Variants in TMEM132D observed in about 807,000 individuals in gnomAD.
TMEM132D encodes transmembrane protein 132D.
TMEM132D carries 21 observed loss-of-function variants against 62.3 expected under a neutral mutation model. The observed-to-expected ratio is 0.34, with a 90% CI of 0.24 to 0.49. The LOEUF (loss-of-function observed/expected upper bound fraction) is 0.49, where lower values mean the gene tolerates loss of function less well. Among genes scored for constraint, TMEM132D ranks in the 20% least tolerant of loss-of-function variants. The pLI is 0.99. For missense variants in TMEM132D, 1,346 were observed against 1,402.8 expected (o/e 0.96, Z 0.65); for synonymous variants, 621 against 575.6 (o/e 1.08, Z -1.13).
chr12:129,389,680 T>C (rs1871242988), intron 3 of TMEM132D, among the ~76,000 whole-genome samples: 1 of 152,236 alleles, frequency 6.6e-6, no homozygotes, highest in Admixed American at 6.5e-5. Flanking sequence ...CTAACAGTCA[T>C]GCCATGTTAT....
intron 4 of TMEM132D, among the ~76,000 whole-genome samples, chr12:129,286,471 G>C (rs74508046): frequency 0.015 from 2,217 of 152,238 alleles, 13 homozygotes; most frequent in Non-Finnish European, 0.024. Flanking sequence ...GAAAAATTAA[G>C]AGCACAGTAT....
At chr12:129,413,361 CT>C (rs1872025185) in intron 3 of TMEM132D, among the ~76,000 whole-genome samples, 1 of 152,168 alleles carries the variant, frequency 6.6e-6, no homozygotes, top group Non-Finnish European at 1.5e-5. Context: ...TAAGACATGC[CT>C]TTTGCCTTCT....
At chr12:129,473,428 C>G (rs1294229690) in intron 3 of TMEM132D, among the ~76,000 whole-genome samples, 1 of 135,098 alleles carries the variant, frequency 7.4e-6, no homozygotes, top group Non-Finnish European at 1.5e-5. Flanking sequence ...CTCCCAGGTT[C>G]AAGTGATCCT....
intron 2 of TMEM132D, among the ~76,000 whole-genome samples, chr12:129,550,065 G>A (rs1325669920): frequency 6.6e-6 from 1 of 152,084 alleles, no homozygotes; most frequent in Non-Finnish European, 1.5e-5. Context: ...AAGAATATGT[G>A]GATGTTTACC....
chr12:129,868,085 T>C (rs1371007164), intron 1 of TMEM132D, among the ~76,000 whole-genome samples: 1 of 152,076 alleles, frequency 6.6e-6, no homozygotes, highest in Non-Finnish European at 1.5e-5. Context: ...TGAGGCAGCA[T>C]TTCTATGGTA....
intron 5 of TMEM132D, among the ~76,000 whole-genome samples, chr12:129,184,680 C>T (rs911638090): frequency 2.6e-5 from 4 of 152,216 alleles, no homozygotes; most frequent in East Asian, 1.9e-4. Flanking sequence ...CTGGCGCCTG[C>T]GGCTGTTTTC....
intron 1 of TMEM132D, among the ~76,000 whole-genome samples, chr12:129,736,114 C>T (rs1473807114): frequency 1.1e-5 from 1 of 89,416 alleles, no homozygotes; most frequent in Non-Finnish European, 2.2e-5. Flanking sequence ...ATGGTGTTTT[C>T]CTTTCATTTC....
chr12:129,460,829 T>TA (rs1873641289), intron 3 of TMEM132D, among the ~76,000 whole-genome samples: 1 of 152,164 alleles, frequency 6.6e-6, no homozygotes, highest in Non-Finnish European at 1.5e-5. Context: ...AAGAACTTTT[T>TA]TTTTCCCACT....
At chr12:129,243,812 T>G (rs1196851118) in intron 4 of TMEM132D, among the ~76,000 whole-genome samples, 2 of 152,246 alleles carry the variant, frequency 1.3e-5, no homozygotes, top group Admixed American at 1.3e-4. Context: ...CTTGATTAAC[T>G]TTTTATTGGT....
chr12:129,105,030 A>G (rs1385236681), intron 5 of TMEM132D, among the ~76,000 whole-genome samples: 1 of 142,588 alleles, frequency 7.0e-6, no homozygotes, highest in Middle Eastern at 3.2e-3. Context: ...TGACCCAGCC[A>G]TCCCATTACT....
intron 3 of TMEM132D, among the ~76,000 whole-genome samples, chr12:129,514,029 C>T (rs1293309921): frequency 1.5e-4 from 22 of 150,190 alleles, no homozygotes; most frequent in Admixed American, 4.0e-4. Context: ...TCAGTGGAGA[C>T]GGGGTTTCAC....
In TMEM132D at chr12:129,751,221, G is replaced by A. The variant is rs114679310; in HGVS notation, c.80-50523C>T. 3.8e-3 allele frequency among the ~76,000 whole-genome samples: 574 copies of A among 152,308 alleles called. 6 individuals carry two copies. The highest frequency in any genetic ancestry group is 0.013 in the African/African-American group (537 of 41,558). On this transcript the variant is annotated intron_variant, in intron 1 of 8. Coordinates refer to ENST00000422113, the MANE Select transcript of TMEM132D (RefSeq NM_133448.3). ...CTCTACAGGAATCATGACTGGGGGA[G>A]CCTCAGGAAACTTACAATCATGGTG...
intron 2 of TMEM132D, among the ~76,000 whole-genome samples, chr12:129,619,926 T>C (rs559393263): frequency 6.6e-6 from 1 of 152,316 alleles, no homozygotes; most frequent in African/African-American, 2.4e-5. Context: ...AGCTTGTCTC[T>C]AGAAAGTCAT....
chr12:129,420,665 C>A lies in TMEM132D; in HGVS notation c.1116-82848G>T, dbSNP rs148580316. Among the ~76,000 whole-genome samples, 10 of 152,252 alleles carry A rather than the reference C, an allele frequency of 6.6e-5. No homozygotes were observed. In the East Asian group the frequency reaches 1.9e-3, roughly 29 times the overall value. On this transcript the variant is annotated intron_variant, in intron 3 of 8. Transcript: ENST00000422113. ...CTGCCAAGGATGTGTGGAGCCCAAC[C>A]AACGCTCAGCAAGCTGGCAAGCGAT...
chr12:129,507,901 C>A (rs1204784721), intron 3 of TMEM132D, among the ~76,000 whole-genome samples: 1 of 152,160 alleles, frequency 6.6e-6, no homozygotes, highest in African/African-American at 2.4e-5. Context: ...ATTTTCATGT[C>A]TAACACTGTA....
At chr12:129,267,175 T>C (rs146444830) in intron 4 of TMEM132D, among the ~76,000 whole-genome samples, 21 of 152,280 alleles carry the variant, frequency 1.4e-4, no homozygotes, top group African/African-American at 3.1e-4. Flanking sequence ...GAGGGTTTTT[T>C]TTCTTTTTCT....
chr12:129,690,134 T>A (rs1242999294), intron 2 of TMEM132D, among the ~76,000 whole-genome samples: 3 of 152,156 alleles, frequency 2.0e-5, no homozygotes, highest in Non-Finnish European at 2.9e-5. Flanking sequence ...TGGGAAGTAT[T>A]ACAGTGCTAC....
chr12:129,383,717 G>C (rs530670708), intron 3 of TMEM132D, among the ~76,000 whole-genome samples: 12 of 152,338 alleles, frequency 7.9e-5, no homozygotes, highest in African/African-American at 2.9e-4. Flanking sequence ...GGGATTATAG[G>C]TGTGAGCCAC....
chr12:129,544,924 C>T (rs527467216), intron 2 of TMEM132D, among the ~76,000 whole-genome samples: 22 of 152,280 alleles, frequency 1.4e-4, no homozygotes, highest in African/African-American at 3.9e-4. Context: ...GTCACAACAC[C>T]GCACCAGCGA....
Sources: gnomAD v4.1 joint callset for allele counts (sites outside exome capture counted in the v4.1 genomes callset) on GRCh38, gnomAD v4.1.1 for gene constraint, MANE v1.5 for transcripts, NCBI Gene and HGNC (gene_info 2026-07-23, HGNC 2026-07-21) for gene names.